The following CHLSN variants were observed in gnomAD, a reference collection of about 807,000 sequenced individuals.
CHLSN encodes the protein cholesin.
chr7:1,083,638 C>CA, the CHLSN span, among the ~76,000 whole-genome samples: 278 of 145,460 alleles, frequency 1.9e-3, no homozygotes, highest in East Asian at 5.0e-3. Context: ...AAAAAAAAAA[C>CA]AAAAAAAACA....
At chr7:1,009,429 C>A in the CHLSN span, among the ~76,000 whole-genome samples, 1 of 152,178 alleles carries the variant, frequency 6.6e-6, no homozygotes, top group Non-Finnish European at 1.5e-5. Flanking sequence ...GCCTCTGACC[C>A]CTGCAATCCT....
the CHLSN span, among the ~76,000 whole-genome samples, chr7:982,913 C>T: frequency 6.6e-6 from 1 of 152,216 alleles, no homozygotes; most frequent in Non-Finnish European, 1.5e-5. Flanking sequence ...TCAGCAGAAC[C>T]AGGGGCAGAA....
the CHLSN span, among the ~76,000 whole-genome samples, chr7:1,123,171 T>G: frequency 6.6e-6 from 1 of 151,900 alleles, no homozygotes; most frequent in Non-Finnish European, 1.5e-5. This position sits in a 1 kb window ranked among gnomAD's most constrained non-coding sequence, Gnocchi z 4.4. Flanking sequence ...GGAGAGTGAG[T>G]GCACCCGGCC....
chr7:988,751 G>A, the CHLSN span: 1,285 of 1,599,252 alleles, frequency 8.0e-4, 7 homozygotes, highest in African/African-American at 0.014. Flanking sequence ...GGCCTCCCTG[G>A]ACACCACGCC....
chr7:1,048,421 A>C, the CHLSN span, among the ~76,000 whole-genome samples: 2 of 152,058 alleles, frequency 1.3e-5, no homozygotes, highest in East Asian at 1.9e-4. Context: ...TGCAGGCGCT[A>C]TGATGCTCTC....
At chr7:986,926 C>A in the CHLSN span, 1 of 1,322,026 alleles carries the variant, frequency 7.6e-7, no homozygotes, top group Admixed American at 2.9e-5. Flanking sequence ...GGGGGCCTCT[C>A]AGAGCCTCAG....
the CHLSN span, among the ~76,000 whole-genome samples, chr7:1,004,912 A>G: frequency 6.6e-6 from 1 of 152,114 alleles, no homozygotes; most frequent in African/African-American, 2.4e-5. Context: ...AGCTGCCTAG[A>G]GCGTCCCAGA....
the CHLSN span, among the ~76,000 whole-genome samples, chr7:1,014,110 A>G: frequency 1.1e-4 from 17 of 152,354 alleles, no homozygotes; most frequent in African/African-American, 3.8e-4. Context: ...GCAGTCAAAC[A>G]TGAAATCCTT....
At chr7:1,032,954 G>A in the CHLSN span, among the ~76,000 whole-genome samples, 1 of 152,308 alleles carries the variant, frequency 6.6e-6, no homozygotes, top group East Asian at 1.9e-4. Flanking sequence ...GGAAACCTGT[G>A]AGCCCCAGGT....
the CHLSN span, among the ~76,000 whole-genome samples, chr7:1,113,379 G>T: frequency 1.3e-5 from 2 of 152,196 alleles, no homozygotes; most frequent in African/African-American, 4.8e-5. Flanking sequence ...CTCCCAGAAG[G>T]CGCCGCCCGG....
chr7:1,070,906 A>ACG, the CHLSN span, among the ~76,000 whole-genome samples: 1 of 141,790 alleles, frequency 7.1e-6, no homozygotes, highest in East Asian at 2.0e-4. Flanking sequence ...ACACACATGC[A>ACG]CGCACACACA....
the CHLSN span, among the ~76,000 whole-genome samples, chr7:1,059,732 G>A: frequency 7.1e-6 from 1 of 140,614 alleles, no homozygotes. Flanking sequence ...GCGGGTCTTA[G>A]GGGGGCGGGT....
the CHLSN span, among the ~76,000 whole-genome samples, chr7:1,111,944 A>G: frequency 1.3e-5 from 2 of 152,220 alleles, no homozygotes; most frequent in Admixed American, 6.5e-5. Context: ...GCGTCATTTC[A>G]CGGTGGCAGA....
the CHLSN span, among the ~76,000 whole-genome samples, chr7:987,848 G>C: frequency 7.1e-6 from 1 of 141,478 alleles, no homozygotes; most frequent in African/African-American, 3.0e-5. Context: ...CTGTATCCTG[G>C]GGGGGTCCCC....
chr7:1,024,475 C>G, the CHLSN span: 1 of 152,268 alleles, frequency 6.6e-6, no homozygotes, highest in Non-Finnish European at 1.5e-5. Context: ...GCAGAAGCCC[C>G]AGGTGCCTTT....
chr7:985,408 C>A, the CHLSN span: 3 of 1,408,524 alleles, frequency 2.1e-6, no homozygotes, highest in Non-Finnish European at 2.9e-6. Context: ...CCAGTGCTGT[C>A]CCCTCTCAGC....
chr7:1,029,925 G>A, the CHLSN span, among the ~76,000 whole-genome samples: 5 of 152,204 alleles, frequency 3.3e-5, no homozygotes, highest in African/African-American at 1.2e-4. Flanking sequence ...TGGAGCTGGT[G>A]GACACGAGGA....
chr7:1,109,705 C>G, the CHLSN span, among the ~76,000 whole-genome samples: 3 of 151,318 alleles, frequency 2.0e-5, no homozygotes, highest in Admixed American at 6.6e-5. Flanking sequence ...GGGCCCTTCC[C>G]CTCCCCCGCC....
At chr7:987,253 C>T in the CHLSN span, 1 of 1,513,146 alleles carries the variant, frequency 6.6e-7, no homozygotes, top group Non-Finnish European at 8.9e-7. Context: ...AGGGTGAGAC[C>T]CCGGCGCCTG....
Sources: allele counts gnomAD v4.1 joint callset (sites outside exome capture counted in the v4.1 genomes callset), GRCh38; gene constraint gnomAD v4.1.1; non-coding constraint Gnocchi (gnomAD v3.1); transcripts MANE v1.5; gene names NCBI Gene and HGNC (gene_info 2026-07-23, HGNC 2026-07-21).